SEC24B: variants seen among roughly 807,000 people sequenced by gnomAD.
The protein encoded by SEC24B is SEC24 homolog B, COPII component.
Under a neutral mutation model 142.8 loss-of-function variants are expected in SEC24B, and 45 were observed. The ratio of observed to expected loss-of-function variants is 0.32; its 90% CI spans 0.25 to 0.40. SEC24B has a LOEUF of 0.40. SEC24B is among the 10% of genes least tolerant of loss of function. The pLI, the probability that SEC24B is intolerant of heterozygous loss-of-function variation, is 1.00. For synonymous variants in SEC24B, 574 were observed against 568.2 expected, an observed-to-expected ratio of 1.01 and a Z score of -0.15; for missense variants, 1,409 against 1,526.8, an observed-to-expected ratio of 0.92 and a Z score of 1.29.
chr4:109,444,493 T>G (rs964123054), intron 1 of SEC24B, among the ~76,000 whole-genome samples: 2 of 141,714 alleles, frequency 1.4e-5, no homozygotes, highest in East Asian at 2.0e-4. Flanking sequence ...TTTTTTTTTT[T>G]GGTACAGGGA....
chr4:109,495,762 G>A (rs1248330523), intron 6 of SEC24B, among the ~76,000 whole-genome samples: 1 of 152,144 alleles, frequency 6.6e-6, no homozygotes, highest in East Asian at 1.9e-4. Flanking sequence ...TCTTGAACAT[G>A]TCTAGCCCCT....
At chr4:109,481,835 T>C in intron 4 of SEC24B, 54 bp downstream of exon 4, 1 of 1,360,626 alleles carries the variant, frequency 7.3e-7, no homozygotes, top group Admixed American at 1.8e-5. Context: ...AGTTTTCTTT[T>C]TGTTTCCACA....
intron 19 of SEC24B, among the ~76,000 whole-genome samples, 164 bp downstream of exon 19, chr4:109,530,628 A>G (rs1724801644): frequency 6.6e-6 from 1 of 152,150 alleles, no homozygotes; most frequent in Non-Finnish European, 1.5e-5. Context: ...GGGGCCATGC[A>G]TGGTGGCTCA....
intron 20 of SEC24B, 38 bp downstream of exon 20, chr4:109,531,560 A>T (rs769186853): frequency 6.7e-7 from 1 of 1,499,346 alleles, no homozygotes. Context: ...TTAAATTTGA[A>T]TATATTTGAG....
intron 18 of SEC24B, among the ~76,000 whole-genome samples, chr4:109,528,093 G>A (rs1476003399): frequency 6.6e-6 from 1 of 152,060 alleles, no homozygotes; most frequent in Non-Finnish European, 1.5e-5. Context: ...AATAAAAGAA[G>A]CTAGACTCAA....
At chr4:109,446,561 G>C (rs557193378) in intron 1 of SEC24B, among the ~76,000 whole-genome samples, 1 of 152,174 alleles carries the variant, frequency 6.6e-6, no homozygotes, top group Non-Finnish European at 1.5e-5. Context: ...TAATACACCT[G>C]TGAAGATAAA....
chr4:109,489,440 G>A (rs1392019934), intron 4 of SEC24B, among the ~76,000 whole-genome samples: 1 of 147,826 alleles, frequency 6.8e-6, no homozygotes, highest in African/African-American at 2.6e-5. Flanking sequence ...GTATAATTCA[G>A]TGGCATTTAG....
At chr4:109,482,936 C>CTATATATATATATATATA (rs775978447) in intron 4 of SEC24B, among the ~76,000 whole-genome samples, 3 of 34,620 alleles carry the variant, frequency 8.7e-5, no homozygotes, top group Non-Finnish European at 1.2e-4. Context: ...CAGGCTTGTA[C>CTATATATATATATATATA]TATATATATA....
intron 14 of SEC24B, 60 bp downstream of exon 14, chr4:109,521,686 T>C: frequency 8.1e-7 from 1 of 1,237,014 alleles, no homozygotes; most frequent in Non-Finnish European, 1.1e-6. Context: ...TTTATTCTAT[T>C]TCATTAATAA....
chr4:109,534,324 C>T (rs978790089), intron 22 of SEC24B, among the ~76,000 whole-genome samples: 48 of 151,814 alleles, frequency 3.2e-4, no homozygotes, highest in African/African-American at 1.0e-3. Flanking sequence ...CAGTGGCTCA[C>T]GCCTGTAATC....
At chr4:109,510,296 A>G (rs577011268) in intron 8 of SEC24B, among the ~76,000 whole-genome samples, 185 bp downstream of exon 8, 1 of 152,362 alleles carries the variant, frequency 6.6e-6, no homozygotes, top group East Asian at 1.9e-4. Context: ...TAAACTAAGC[A>G]CTGGTAGTAC....
chr4:109,463,329 G>A lies in SEC24B; in HGVS notation c.562G>A (p.Val188Ile). The A allele has an allele frequency of 1.2e-6, 2 of 1,614,196 alleles. No homozygotes were observed. Among genetic ancestry groups the A allele is most frequent in the Non-Finnish European group, 1.7e-6 (2 of 1,180,032 alleles). The change falls in exon 2 of 24, where the codon GTT becomes ATT. Residue 188 changes from valine (V) to isoleucine (I), a missense_variant. Around this residue, in one of 2 missense-constraint regions of SEC24B, gnomAD observed 709 missense variants for 673.5 expected, o/e 1.05. Transcript: ENST00000265175. The part of the protein sequence containing the change: ...STCGHYAMST[V>I]SNAAYPSVSY... Reference sequence around the variant, plus strand: ...TTGTGGTCATTATGCTATGTCAACTGTTTCTAATGCCGCGTATCCTAGTGT... The same window carrying A: ...TTGTGGTCATTATGCTATGTCAACTATTTCTAATGCCGCGTATCCTAGTGT...
chr4:109,509,312 C>G (rs1049846533), intron 7 of SEC24B, among the ~76,000 whole-genome samples: 3 of 152,198 alleles, frequency 2.0e-5, no homozygotes, highest in Admixed American at 6.5e-5. Context: ...GCCTGGCTTT[C>G]AGTACTTCTG....
At chr4:109,435,723 A>G (rs1728347491) in intron 1 of SEC24B, among the ~76,000 whole-genome samples, 1 of 152,168 alleles carries the variant, frequency 6.6e-6, no homozygotes, top group East Asian at 1.9e-4. Flanking sequence ...ACTTTCCTTT[A>G]ATGTTGCAAT....
chr4:109,503,753 T>G (rs1056926664), intron 6 of SEC24B, among the ~76,000 whole-genome samples: 1 of 152,138 alleles, frequency 6.6e-6, no homozygotes, highest in Non-Finnish European at 1.5e-5. Context: ...CTAGCTGGTT[T>G]TTTTTAGTTC....
intron 4 of SEC24B, among the ~76,000 whole-genome samples, chr4:109,486,879 G>A (rs1044030785): frequency 1.3e-5 from 2 of 152,112 alleles, no homozygotes; most frequent in African/African-American, 2.4e-5. Flanking sequence ...AACTTGAAAA[G>A]TGTAAGCAGG....
At chr4:109,435,462 T>C (rs927783819) in intron 1 of SEC24B, among the ~76,000 whole-genome samples, 101 of 152,230 alleles carry the variant, frequency 6.6e-4, no homozygotes, top group African/African-American at 2.4e-3. Context: ...TTTTAGAACA[T>C]TGTAGACTCA....
chr4:109,446,896 C>CT (rs1452136422), intron 1 of SEC24B, among the ~76,000 whole-genome samples: 1 of 152,168 alleles, frequency 6.6e-6, no homozygotes, highest in African/African-American at 2.4e-5. Context: ...AGCCATTACA[C>CT]TAAGCTTTGG....
rs1276829733 is a variant in SEC24B, at chr4:109,481,735, A to G, written c.1119A>G (p.Ser373=). The G allele has an allele frequency of 1.9e-6, 3 of 1,613,920 alleles. No individual in the cohort carries two copies. The South Asian group carries it at 3.3e-5, about 18-fold the overall frequency. The change falls in exon 4 of 24, where the codon TCA becomes TCG. Residue 373 remains serine (S), a synonymous_variant. Coordinates refer to ENST00000265175, the MANE Select transcript of SEC24B (RefSeq NM_006323.5). The stretch of plus-strand genomic sequence containing the variant: ...CTAGCTCCGCACCAACTCCCTTGTC[A>G]TCAACTTCCGATGATGAGGAAGAGG... ...NQASSAPTPL[S]STSDDEEEEE...
Sources: gnomAD v4.1 joint callset for allele counts (sites outside exome capture counted in the v4.1 genomes callset) on GRCh38, gnomAD v4.1.1 for gene constraint, gnomAD v4.1.1 regional missense constraint, MANE v1.5 for transcripts, NCBI Gene and HGNC (gene_info 2026-07-23, HGNC 2026-07-21) for gene names.